Variants in GFRA2 observed in about 807,000 individuals in gnomAD.
GFRA2 encodes GDNF family receptor alpha-2.
GFRA2 carries 17 observed loss-of-function variants against 48.3 expected under a neutral mutation model. The observed-to-expected ratio is 0.35, with a 90% CI of 0.24 to 0.53. GFRA2 has a LOEUF of 0.53. GFRA2 is among the 20% of genes least tolerant of loss of function. GFRA2 has a pLI of 0.93. For synonymous variants in GFRA2, 305 were observed against 257.2 expected (o/e 1.19, Z -1.78); for missense variants, 660 against 637.3 (o/e 1.04, Z -0.38).
Position 21,800,911 on chromosome 8 carries a change from G to A in GFRA2, c.-36+4106C>T, listed in dbSNP as rs1432107411. 4.9e-5 allele frequency among the ~76,000 whole-genome samples: 7 copies of A among 142,392 alleles called. No homozygotes were observed. In the Admixed American group the frequency reaches 5.0e-4, roughly 10 times the overall value. The allele number at this position is 142,392 out of a possible 152,430, so 93.4% of individuals were successfully genotyped here. On this transcript the variant is annotated intron_variant, in intron 2 of 10. Coordinates refer to the GFRA2 transcript ENST00000517328. ...CCTGCACTCCAGCCTGGGTCACAGAGTGAGACCTGGTGTCAAAAAAAAAAA... is the reference window on the plus strand; with the variant it reads ...CCTGCACTCCAGCCTGGGTCACAGAATGAGACCTGGTGTCAAAAAAAAAAA...
intron 3 of GFRA2, among the ~76,000 whole-genome samples, chr8:21,758,208 CA>C (rs201679194): frequency 0.057 from 2,725 of 47,728 alleles, 55 homozygotes; most frequent in Admixed American, 0.12. Context: ...CCACTCCCCA[CA>C]CACACACACA....
chr8:21,768,349 C>T (rs992320237), intron 3 of GFRA2, among the ~76,000 whole-genome samples: 1 of 152,204 alleles, frequency 6.6e-6, no homozygotes, highest in Non-Finnish European at 1.5e-5. Context: ...CAGTTTATCG[C>T]CCGAGCCACC....
Position 21,771,832 on chromosome 8 carries a change from C to T in GFRA2, c.439+3140G>A, listed in dbSNP as rs1028230283. ...CCTCCCTCCCTACCCACAGTCTTTC[C>T]CCACAGAGAAGTGAAGGGGGCAGCA... On this transcript the variant is annotated intron_variant, in intron 3 of 8. Coordinates refer to ENST00000524240, the MANE Select transcript of GFRA2 (RefSeq NM_001495.5). 3.9e-4 allele frequency among the ~76,000 whole-genome samples: 59 copies of T among 152,132 alleles called. 1 individual carries two copies. Among genetic ancestry groups the T allele is most frequent in the Non-Finnish European group, 6.6e-4 (45 of 67,996 alleles).
At chr8:21,699,853 C>T (rs1213561639) in intron 7 of GFRA2, among the ~76,000 whole-genome samples, 1 of 152,184 alleles carries the variant, frequency 6.6e-6, no homozygotes, top group Non-Finnish European at 1.5e-5. Flanking sequence ...ACAAAGCACC[C>T]ACTCCATGCC....
intron 4 of GFRA2, among the ~76,000 whole-genome samples, chr8:21,711,030 C>T (rs1489202608): frequency 3.9e-5 from 6 of 152,218 alleles, no homozygotes; most frequent in East Asian, 1.9e-4. Flanking sequence ...TCCTTGAAGC[C>T]CTGGACACTG....
chr8:21,791,186 T>C (rs374574454), upstream of GFRA2, among the ~76,000 whole-genome samples: 33 of 152,242 alleles, frequency 2.2e-4, 1 homozygote, highest in East Asian at 4.6e-3. Flanking sequence ...ATATATGTAG[T>C]TCTCCCCTCC....
chr8:21,793,682 G>T (rs1332269399), upstream of GFRA2, among the ~76,000 whole-genome samples: 4 of 152,028 alleles, frequency 2.6e-5, no homozygotes, highest in Non-Finnish European at 4.4e-5. Flanking sequence ...GCAGAATCTG[G>T]ATTCAAACTC....
At chr8:21,731,659 G>A (rs972715918) in intron 4 of GFRA2, among the ~76,000 whole-genome samples, 3 of 151,966 alleles carry the variant, frequency 2.0e-5, no homozygotes, top group African/African-American at 4.8e-5. Context: ...ACGGCTCCTC[G>A]TGCATACATA....
chr8:21,695,513 G>C (rs4400374), intron 7 of GFRA2, among the ~76,000 whole-genome samples: 86,437 of 152,090 alleles, frequency 0.57, 27,818 homozygotes, highest in African/African-American at 0.89. Flanking sequence ...ACATGGAGAC[G>C]CTGGCCAAGA....
chr8:21,802,609 C>A (rs1807791189), intron 2 of GFRA2, among the ~76,000 whole-genome samples: 2 of 152,286 alleles, frequency 1.3e-5, no homozygotes, highest in African/African-American at 4.8e-5. Flanking sequence ...CCCACTTTGG[C>A]TTCCCAAAGT....
intron 4 of GFRA2, among the ~76,000 whole-genome samples, chr8:21,718,697 G>A (rs1803452166): frequency 6.6e-6 from 1 of 152,102 alleles, no homozygotes; most frequent in African/African-American, 2.4e-5. Context: ...ACGCAACAAG[G>A]GTTCGTTACC....
intron 4 of GFRA2, among the ~76,000 whole-genome samples, chr8:21,726,286 T>C (rs932985944): frequency 3.3e-5 from 5 of 152,126 alleles, no homozygotes; most frequent in South Asian, 4.1e-4. Flanking sequence ...GGGGTATTAA[T>C]TGTCATGAAG....
At chr8:21,810,344 C>A (rs1807954882) in intron 1 of GFRA2, among the ~76,000 whole-genome samples, 1 of 152,318 alleles carries the variant, frequency 6.6e-6, no homozygotes, top group South Asian at 2.1e-4. Context: ...GGAGGTCAGC[C>A]TCCTCCCTCT....
chr8:21,693,504 A>C (rs1585214930), intron 8 of GFRA2, 104 bp from the exon 9 acceptor site: 1 of 1,063,596 alleles, frequency 9.4e-7, no homozygotes. Context: ...GGAACTGGAC[A>C]CCTCAAGCCC....
chr8:21,732,966 C>G (rs1439703016), intron 4 of GFRA2, among the ~76,000 whole-genome samples: 1 of 152,196 alleles, frequency 6.6e-6, no homozygotes, highest in Admixed American at 6.5e-5. Flanking sequence ...AGAAAGGCCA[C>G]TGCAGATGTG....
chr8:21,701,634 C>T (rs768491561), intron 7 of GFRA2, among the ~76,000 whole-genome samples: 17 of 152,190 alleles, frequency 1.1e-4, no homozygotes, highest in Non-Finnish European at 1.9e-4. Context: ...TAACGCCTAA[C>T]ATTCGTGCAG....
At chr8:21,753,057 T>C (rs989033633) in intron 3 of GFRA2, among the ~76,000 whole-genome samples, 12 of 152,106 alleles carry the variant, frequency 7.9e-5, no homozygotes, top group African/African-American at 2.7e-4. Flanking sequence ...GAGAACCTTC[T>C]AGAACCTACA....
intron 4 of GFRA2, among the ~76,000 whole-genome samples, chr8:21,713,036 C>T (rs1355503055): frequency 2.1e-5 from 3 of 145,728 alleles, no homozygotes; most frequent in East Asian, 4.0e-4. Flanking sequence ...GAGAGGGAGA[C>T]GAGGGAGAGG....
chr8:21,783,389 T>C (rs1202667007), intron 1 of GFRA2, among the ~76,000 whole-genome samples: 1 of 152,138 alleles, frequency 6.6e-6, no homozygotes, highest in African/African-American at 2.4e-5. Context: ...AGTCATTTCG[T>C]TGTCATTGCC....
Sources: allele counts gnomAD v4.1 joint callset (sites outside exome capture counted in the v4.1 genomes callset), GRCh38; gene constraint gnomAD v4.1.1; transcripts MANE v1.5; gene names NCBI Gene and HGNC (gene_info 2026-07-23, HGNC 2026-07-21).